Variants in HERC2 observed in about 807,000 individuals in gnomAD.
The protein encoded by HERC2 is E3 ubiquitin-protein ligase HERC2.
A neutral mutation model predicts 537.7 loss-of-function variants in HERC2; 102 were observed. That is an observed-to-expected ratio of 0.19 (90% CI 0.16 to 0.22). The LOEUF is 0.22. Ranked by LOEUF, HERC2 falls within the 10% of genes least tolerant of loss-of-function variation. The probability of loss-of-function intolerance (pLI) is 1.00; values close to 1 mark genes in which losing one functional copy is unlikely to be tolerated. For missense variants in HERC2, 4,236 were observed against 6,198.2 expected (o/e 0.68, Z 10.63); for synonymous variants, 2,224 against 2,466.2 (o/e 0.90, Z 2.91).
chr15:28,147,285 A>G (rs1379505787), intron 70 of HERC2, among the ~76,000 whole-genome samples: 1 of 152,144 alleles, frequency 6.6e-6, no homozygotes, highest in Non-Finnish European at 1.5e-5. Context: ...GACTAGAAAT[A>G]CCCTTTGTTC....
chr15:28,243,717 G>C lies in HERC2; in HGVS notation c.3577+2164C>G, dbSNP rs1903367917. 2.0e-5 allele frequency among the ~76,000 whole-genome samples: 3 copies of C among 152,282 alleles called. No homozygotes were observed. In the East Asian group the frequency reaches 5.8e-4, roughly 29 times the overall value. ...CCCACCAGAATGGGTCAAACAGGGA[G>C]TGCTAGCAATGCTAGGTCTTGGCAT... On this transcript the variant is annotated intron_variant, in intron 23 of 92. Coordinates refer to ENST00000261609, the MANE Select transcript of HERC2 (RefSeq NM_004667.6).
At chr15:28,261,935 C>T (rs2075425225) in intron 15 of HERC2, among the ~76,000 whole-genome samples, 1 of 152,140 alleles carries the variant, frequency 6.6e-6, no homozygotes, top group Non-Finnish European at 1.5e-5. Context: ...TACCAGGACC[C>T]AACGAACTAC....
rs372311463 is a variant in HERC2, at chr15:28,240,214, G to C, written c.3578-1442C>G. On this transcript the variant is annotated intron_variant, in intron 23 of 92. Coordinates refer to ENST00000261609, the MANE Select transcript of HERC2 (RefSeq NM_004667.6). ...TGGGCAGATCACAAGGTCAGGAGATGGAGACCATCCTGGCTAACACGGTGA... is the reference window on the plus strand; with the variant it reads ...TGGGCAGATCACAAGGTCAGGAGATCGAGACCATCCTGGCTAACACGGTGA... Among the ~76,000 whole-genome samples the C allele has an allele frequency of 3.4e-3, 518 of 152,212 alleles. 4 individuals carry two copies. Among genetic ancestry groups the C allele is most frequent in the African/African-American group, 8.4e-3 (350 of 41,560 alleles).
chr15:28,149,037 C>T (rs1023952506), intron 70 of HERC2, among the ~76,000 whole-genome samples: 49 of 151,062 alleles, frequency 3.2e-4, no homozygotes, highest in African/African-American at 1.1e-3. Context: ...CACAAACGTA[C>T]ATTCTAGTAA....
intron 3 of HERC2, among the ~76,000 whole-genome samples, chr15:28,293,232 G>T (rs185349577): frequency 6.6e-6 from 1 of 152,060 alleles, no homozygotes; most frequent in African/African-American, 2.4e-5. Flanking sequence ...GGTGGCTCAC[G>T]CCTGTAATCC....
At chr15:28,118,525 T>TGTA (rs1403253782) in intron 86 of HERC2, 3 of 152,260 alleles carry the variant, frequency 2.0e-5, no homozygotes, top group Non-Finnish European at 4.4e-5. Context: ...AAAGTTTTTA[T>TGTA]GTAGTGATGT....
At chr15:28,246,983 T>G (rs1903773253) in intron 21 of HERC2, 86 bp from the exon 22 acceptor site, 1 of 1,130,284 alleles carries the variant, frequency 8.8e-7, no homozygotes, top group Admixed American at 2.2e-5. Flanking sequence ...GCTATTCTCA[T>G]CTACACATCT....
In HERC2 at chr15:28,177,449, T is replaced by C; in HGVS notation, c.9224A>G (p.Asp3075Gly). 6.2e-7 allele frequency: 1 copy of C among 1,614,242 alleles called. No individual in the cohort carries two copies. Among genetic ancestry groups the C allele is most frequent in the Non-Finnish European group, 8.5e-7 (1 of 1,180,034 alleles). ...DGKVFSWGEG[D>G]DGKLGHFSRM... is the part of the protein sequence containing the mutation. ...GCTGAAGTGTCCAAGTTTTCCATCG[T>C]CACCTTCGCCCCACGAAAACACTTT... Residue 3075 changes from aspartate (D) to glycine (G), a missense_variant, in exon 60 of 93, where the codon GAC becomes GGC. Physicochemically the swap from Asp to Gly is moderately conservative, Grantham distance 94. This residue lies in a region of HERC2 where 606 missense variants were observed against 884.5 expected (regional missense o/e 0.69). Coordinates refer to ENST00000261609, the MANE Select transcript of HERC2 (RefSeq NM_004667.6). The surrounding 1 kb of genome is among the most constrained non-coding windows in gnomAD (Gnocchi z 5.0).
At chr15:28,273,037 C>A in intron 7 of HERC2, 33 bp from the exon 8 acceptor site, 2 of 1,490,524 alleles carry the variant, frequency 1.3e-6, no homozygotes, top group South Asian at 2.3e-5. Context: ...AGGAACAAAG[C>A]AACCTCCAGA....
At chr15:28,237,208 C>A in intron 25 of HERC2, 95 bp from the exon 26 acceptor site, 1 of 1,213,656 alleles carries the variant, frequency 8.2e-7, no homozygotes, top group East Asian at 2.4e-5. Context: ...TGTAACCGCA[C>A]GTGAGCCCAG....
At chr15:28,294,149 C>T (rs1352784803) in intron 3 of HERC2, among the ~76,000 whole-genome samples, 2 of 152,234 alleles carry the variant, frequency 1.3e-5, no homozygotes, top group Non-Finnish European at 2.9e-5. Context: ...TTCTCTGCGA[C>T]ATCCAGCTGT....
At chr15:28,319,563 C>T (rs1221959199) in intron 2 of HERC2, among the ~76,000 whole-genome samples, 3 of 126,490 alleles carry the variant, frequency 2.4e-5, no homozygotes, top group Admixed American at 1.0e-4. Context: ...CCAGCCTGGG[C>T]GACAGAGCAA....
At chr15:28,134,652 CAG>C (rs1318312280) in intron 79 of HERC2, among the ~76,000 whole-genome samples, 1 of 151,702 alleles carries the variant, frequency 6.6e-6, no homozygotes, top group East Asian at 1.9e-4. Flanking sequence ...CTAGACTACT[CAG>C]AGTTTTTATC....
intron 69 of HERC2, among the ~76,000 whole-genome samples, chr15:28,160,484 G>A (rs1463845221): frequency 2.0e-5 from 3 of 152,244 alleles, no homozygotes; most frequent in Non-Finnish European, 4.4e-5. Context: ...ATCTCAGGCT[G>A]CTGTGCTAGC....
intron 2 of HERC2, among the ~76,000 whole-genome samples, chr15:28,300,076 AAAG>A (rs2076580233): frequency 6.6e-6 from 1 of 151,680 alleles, no homozygotes; most frequent in Non-Finnish European, 1.5e-5. Context: ...AAAGAAAAGA[AAAG>A]AAAAAAAAGA....
chr15:28,204,986 A>T (rs1304621374), intron 45 of HERC2, among the ~76,000 whole-genome samples: 6 of 152,160 alleles, frequency 3.9e-5, no homozygotes, highest in Non-Finnish European at 8.8e-5. Flanking sequence ...AAATCAAGCC[A>T]AAGATGCAAG....
chr15:28,286,525 A>G (rs1447715115), intron 4 of HERC2, among the ~76,000 whole-genome samples: 1 of 152,180 alleles, frequency 6.6e-6, no homozygotes, highest in Non-Finnish European at 1.5e-5. Flanking sequence ...ATTACATATC[A>G]ATTGATTTAG....
rs201160319 is a variant in HERC2 at position 28,207,481 on chromosome 15, C to G, written c.7070-1099G>C. On this transcript the variant is annotated intron_variant, in intron 44 of 92. Transcript: ENST00000261609. ...CACTCACGGCTTCAGTAACCCCTGA[C>G]ACAGACACATCCCACGTGCATATTT... Among the ~76,000 whole-genome samples the G allele has an allele frequency of 1.2e-3, 190 of 152,330 alleles. 2 individuals are homozygous for G. The East Asian group carries it at 0.019, about 15-fold the overall frequency.
At chr15:28,208,582 G>T (rs1029385901) in intron 44 of HERC2, among the ~76,000 whole-genome samples, 21 of 152,018 alleles carry the variant, frequency 1.4e-4, no homozygotes, top group African/African-American at 4.6e-4. Context: ...TTTCACCCTG[G>T]TCTCCCAGGT....
Sources: allele counts gnomAD v4.1 joint callset (sites outside exome capture counted in the v4.1 genomes callset), GRCh38; gene constraint gnomAD v4.1.1; regional missense constraint gnomAD v4.1.1; non-coding constraint Gnocchi (gnomAD v3.1); transcripts MANE v1.5; gene names NCBI Gene and HGNC (gene_info 2026-07-23, HGNC 2026-07-21).